The following DYNC1I1 variants were observed in gnomAD, a reference collection of about 807,000 sequenced individuals.
DYNC1I1 encodes the protein cytoplasmic dynein 1 intermediate chain 1.
DYNC1I1 carries 43 observed loss-of-function variants against 86.6 expected under a neutral mutation model. The observed-to-expected ratio is 0.50, with a 90% CI of 0.39 to 0.64. DYNC1I1 has a LOEUF of 0.64. Ranked by LOEUF, DYNC1I1 falls within the 30% of genes least tolerant of loss-of-function variation. DYNC1I1 has a pLI of 0.00. For missense variants in DYNC1I1, 604 were observed against 788.8 expected (o/e 0.77, Z 2.81); for synonymous variants, 262 against 283.7 (o/e 0.92, Z 0.77).
intron 16 of DYNC1I1, among the ~76,000 whole-genome samples, chr7:96,109,031 A>G (rs1393365773): frequency 6.6e-6 from 1 of 152,094 alleles, no homozygotes; most frequent in Admixed American, 6.5e-5. Flanking sequence ...ATTCTATAAC[A>G]TCTTCTTATC....
intron 10 of DYNC1I1, among the ~76,000 whole-genome samples, chr7:96,009,172 G>T (rs542038393): frequency 6.6e-6 from 1 of 152,256 alleles, no homozygotes; most frequent in East Asian, 1.9e-4. Flanking sequence ...TGCAACTTAG[G>T]CCCTCTGGGG....
intron 1 of DYNC1I1, among the ~76,000 whole-genome samples, chr7:95,780,500 G>A (rs7783416): frequency 0.44 from 65,080 of 147,442 alleles, 15,326 homozygotes; most frequent in Middle Eastern, 0.69. Flanking sequence ...GGATGGTCTC[G>A]ATCTCCTGAC....
intron 6 of DYNC1I1, among the ~76,000 whole-genome samples, chr7:95,948,268 C>G (rs894694448): frequency 2.0e-5 from 3 of 152,058 alleles, no homozygotes; most frequent in Admixed American, 6.6e-5. Context: ...GGGCAGCACC[C>G]CAGACAAAGA....
chr7:96,067,224 A>G (rs957963278), intron 14 of DYNC1I1, among the ~76,000 whole-genome samples: 3 of 152,218 alleles, frequency 2.0e-5, no homozygotes, highest in Non-Finnish European at 4.4e-5. Flanking sequence ...GTTTACTGCC[A>G]GTAACACTTA....
chr7:95,892,145 T>C (rs1417557721), intron 6 of DYNC1I1, among the ~76,000 whole-genome samples: 3 of 151,834 alleles, frequency 2.0e-5, no homozygotes, highest in Non-Finnish European at 4.4e-5. Context: ...TTTTTTCTTT[T>C]TTTTAAATTG....
At chr7:96,002,941 T>C (rs953839086) in intron 10 of DYNC1I1, among the ~76,000 whole-genome samples, 1 of 152,046 alleles carries the variant, frequency 6.6e-6, no homozygotes, top group African/African-American at 2.4e-5. Flanking sequence ...ACTCCCAGGT[T>C]CAAGCGATTC....
At chr7:96,108,274 A>T (rs1381864599) in intron 16 of DYNC1I1, among the ~76,000 whole-genome samples, 1 of 152,146 alleles carries the variant, frequency 6.6e-6, no homozygotes, top group African/African-American at 2.4e-5. Flanking sequence ...CAACGAACCC[A>T]TTGGTCATAA....
At chr7:95,820,959 T>C (rs190300261) in intron 4 of DYNC1I1, among the ~76,000 whole-genome samples, 7 of 152,344 alleles carry the variant, frequency 4.6e-5, no homozygotes, top group South Asian at 2.1e-4. Context: ...TGCGGCCATG[T>C]AGTGACATCA....
In DYNC1I1 at chr7:96,098,030, A is replaced by T. The variant is rs531031527; in HGVS notation, c.*437A>T. On this transcript the variant is annotated 3_prime_UTR_variant, in exon 17 of 17. Transcript: ENST00000447467. ...AAAGACTTGAGACGTGGTGTTTTAC[A>T]TGGTGACTCACATTATGAATGGATT... The T allele has an allele frequency of 9.9e-5, 98 of 990,428 alleles. No homozygotes were observed. The Middle Eastern group carries it at 2.6e-3, about 26-fold the overall frequency. 61.4% of individuals were successfully genotyped at this position (990,428 alleles called of 1,614,324 possible).
intron 6 of DYNC1I1, among the ~76,000 whole-genome samples, chr7:95,956,490 G>A (rs922910071): frequency 1.3e-5 from 2 of 151,190 alleles, no homozygotes; most frequent in Admixed American, 6.6e-5. Flanking sequence ...CCCATTAACC[G>A]GTCATCTACA....
At chr7:95,829,373 T>C (rs570537039) in intron 5 of DYNC1I1, among the ~76,000 whole-genome samples, 109 of 152,328 alleles carry the variant, frequency 7.2e-4, no homozygotes, top group African/African-American at 2.6e-3. Context: ...TTAACCTTAC[T>C]AAATTCTTGG....
chr7:96,081,650 T>C (rs977111801), intron 16 of DYNC1I1, among the ~76,000 whole-genome samples: 7 of 152,222 alleles, frequency 4.6e-5, no homozygotes, highest in Middle Eastern at 3.2e-3. Context: ...ACCTAGAAAG[T>C]ACTCTGTGAG....
At chr7:95,928,134 T>C (rs183926965) in intron 6 of DYNC1I1, among the ~76,000 whole-genome samples, 1 of 152,312 alleles carries the variant, frequency 6.6e-6, no homozygotes, top group African/African-American at 2.4e-5. Context: ...GCTTCCTGCC[T>C]CCCAACTAGT....
intron 5 of DYNC1I1, among the ~76,000 whole-genome samples, chr7:95,848,641 A>G (rs1388520647): frequency 1.3e-5 from 2 of 152,114 alleles, no homozygotes; most frequent in Non-Finnish European, 2.9e-5. Flanking sequence ...ATAAACACAT[A>G]GGTTGATTTC....
chr7:96,039,239 G>C, intron 13 of DYNC1I1, 38 bp from the exon 14 acceptor site: 1 of 1,580,360 alleles, frequency 6.3e-7, no homozygotes, highest in Non-Finnish European at 8.6e-7. Flanking sequence ...GCTTTTCAGA[G>C]GTCACTGGAA....
intron 7 of DYNC1I1, among the ~76,000 whole-genome samples, chr7:95,983,600 A>G (rs952297196): frequency 1.3e-5 from 2 of 152,190 alleles, no homozygotes; most frequent in African/African-American, 4.8e-5. Flanking sequence ...TCTTGACACT[A>G]CAGATTTCTT....
chr7:96,003,449 T>C (rs1794065680), intron 10 of DYNC1I1, among the ~76,000 whole-genome samples: 1 of 152,220 alleles, frequency 6.6e-6, no homozygotes, highest in Non-Finnish European at 1.5e-5. Context: ...TTAATACCAG[T>C]TTAGCATATC....
intron 4 of DYNC1I1, among the ~76,000 whole-genome samples, chr7:95,822,928 CT>C (rs1482907263): frequency 6.6e-6 from 1 of 152,088 alleles, no homozygotes; most frequent in East Asian, 1.9e-4. Context: ...GATGTCTGGT[CT>C]TGGGGAAAGA....
chr7:95,996,387 A>G (rs1025709296), intron 10 of DYNC1I1, among the ~76,000 whole-genome samples: 2 of 152,174 alleles, frequency 1.3e-5, no homozygotes, highest in Non-Finnish European at 2.9e-5. Flanking sequence ...TAAAAGCAAC[A>G]TATGCTTGCC....
Sources: gnomAD v4.1 joint callset for allele counts (sites outside exome capture counted in the v4.1 genomes callset) on GRCh38, gnomAD v4.1.1 for gene constraint, MANE v1.5 for transcripts, NCBI Gene and HGNC (gene_info 2026-07-23, HGNC 2026-07-21) for gene names.